MYO3B: variants seen among roughly 807,000 people sequenced by gnomAD.
MYO3B encodes the protein myosin-IIIb.
MYO3B carries 156 observed loss-of-function variants against 174.6 expected under a neutral mutation model. That is an observed-to-expected ratio of 0.89 (90% confidence interval 0.78 to 1.02). The LOEUF (loss-of-function observed/expected upper bound fraction) is 1.02. Among genes scored for constraint, MYO3B ranks in the 50% least tolerant of loss-of-function variants. MYO3B has a pLI of 0.00. For missense variants in MYO3B, 1,632 were observed against 1,639.4 expected (o/e 1.00, Z 0.08); for synonymous variants, 563 against 569.1 (o/e 0.99, Z 0.15).
intron 32 of MYO3B, among the ~76,000 whole-genome samples, chr2:170,610,594 C>T (rs1159676975): frequency 1.3e-5 from 2 of 152,184 alleles, no homozygotes; most frequent in African/African-American, 4.8e-5. Context: ...GTAGCTTTCT[C>T]AAATGAATTT....
At chr2:170,533,895 C>T (rs1689519366) in intron 30 of MYO3B, among the ~76,000 whole-genome samples, 1 of 152,064 alleles carries the variant, frequency 6.6e-6, no homozygotes, top group African/African-American at 2.4e-5. Context: ...TTATATTTTG[C>T]TGATGAAGAA....
At chr2:170,452,127 T>C (rs1374932843) in intron 23 of MYO3B, among the ~76,000 whole-genome samples, 1 of 151,974 alleles carries the variant, frequency 6.6e-6, no homozygotes, top group Non-Finnish European at 1.5e-5. Context: ...CCAATATCCC[T>C]TAAAGTTGCT....
At chr2:170,420,849 T>C (rs1210385176) in intron 22 of MYO3B, among the ~76,000 whole-genome samples, 1 of 151,882 alleles carries the variant, frequency 6.6e-6, no homozygotes, top group Non-Finnish European at 1.5e-5. Flanking sequence ...TTACTTCTGC[T>C]CCCCACCGAC....
At chr2:170,197,454 T>G (rs1325197515) in intron 1 of MYO3B, among the ~76,000 whole-genome samples, 1 of 152,252 alleles carries the variant, frequency 6.6e-6, no homozygotes, top group African/African-American at 2.4e-5. Flanking sequence ...AGTGAACTGC[T>G]TGAGCAGTGA....
At chr2:170,579,621 T>C (rs1171872003) in intron 32 of MYO3B, among the ~76,000 whole-genome samples, 3 of 152,244 alleles carry the variant, frequency 2.0e-5, no homozygotes, top group African/African-American at 7.2e-5. Flanking sequence ...CAGTCACTCC[T>C]ACCACTTCCT....
chr2:170,271,872 T>C (rs193057348), intron 7 of MYO3B, among the ~76,000 whole-genome samples: 1 of 152,298 alleles, frequency 6.6e-6, no homozygotes, highest in East Asian at 1.9e-4. Context: ...TTACTCTGAA[T>C]GTAGTCTCAG....
intron 22 of MYO3B, among the ~76,000 whole-genome samples, chr2:170,420,819 G>A (rs185976373): frequency 2.6e-5 from 4 of 152,100 alleles, no homozygotes; most frequent in Non-Finnish European, 5.9e-5. Context: ...ACAGCCCCAT[G>A]CTAATTCTGC....
At chr2:170,529,124 C>CCT (rs1440198802) in intron 30 of MYO3B, among the ~76,000 whole-genome samples, 1 of 152,058 alleles carries the variant, frequency 6.6e-6, no homozygotes, top group Non-Finnish European at 1.5e-5. Flanking sequence ...CATGATAATG[C>CCT]CTCTACTTTT....
At chr2:170,255,693 C>A (rs896112556) in intron 7 of MYO3B, among the ~76,000 whole-genome samples, 6 of 152,116 alleles carry the variant, frequency 3.9e-5, no homozygotes, top group Non-Finnish European at 7.4e-5. Context: ...ACACCAGGCC[C>A]CCTGAGATGA....
At chr2:170,323,585 G>A (rs2093844401) in intron 7 of MYO3B, among the ~76,000 whole-genome samples, 1 of 152,132 alleles carries the variant, frequency 6.6e-6, no homozygotes, top group Non-Finnish European at 1.5e-5. Context: ...CTTTGGAATT[G>A]GGCTGCCTGC....
chr2:170,539,188 C>T (rs973537754), intron 30 of MYO3B, among the ~76,000 whole-genome samples: 1 of 152,118 alleles, frequency 6.6e-6, no homozygotes, highest in African/African-American at 2.4e-5. Flanking sequence ...TTCAGAGGAT[C>T]GAGCCATAAA....
chr2:170,214,713 G>A lies in MYO3B; in HGVS notation c.427-16G>A. The A allele has an allele frequency of 6.2e-7, 1 of 1,607,290 alleles. No homozygotes were observed. The highest frequency in any genetic ancestry group is 8.5e-7 in the Non-Finnish European group (1 of 1,173,752). The stretch of plus-strand genomic sequence containing the variant: ...TTCTCTTTCCTGTTGTTTGGTGGTG[G>A]TGGGATGCCATGCAGGGCCTTCAGC... On this transcript the variant is annotated splice_polypyrimidine_tract_variant and intron_variant, in intron 4 of 34. Transcript: ENST00000408978.
chr2:170,404,151 T>C, intron 19 of MYO3B, 96 bp from the exon 20 acceptor site: 2 of 1,239,702 alleles, frequency 1.6e-6, no homozygotes, highest in Non-Finnish European at 1.1e-6. Flanking sequence ...CCACATGCAT[T>C]CAATGTTGCT....
At chr2:170,622,230 T>A (rs956630242) in intron 32 of MYO3B, among the ~76,000 whole-genome samples, 1 of 152,200 alleles carries the variant, frequency 6.6e-6, no homozygotes, top group African/African-American at 2.4e-5. Flanking sequence ...GGCTAATTGT[T>A]AAGGTTCCTA....
intron 32 of MYO3B, among the ~76,000 whole-genome samples, chr2:170,637,207 T>C (rs1697580789): frequency 6.8e-6 from 1 of 146,296 alleles, no homozygotes; most frequent in African/African-American, 2.6e-5. Context: ...AGTATCACTC[T>C]GCCGTCCAGG....
intron 20 of MYO3B, among the ~76,000 whole-genome samples, chr2:170,404,907 T>G (rs138557803): frequency 2.6e-5 from 4 of 152,348 alleles, no homozygotes; most frequent in Non-Finnish European, 4.4e-5. Flanking sequence ...ATAGGGCACC[T>G]CGTCCTGACA....
chr2:170,429,409 G>C (rs989957297), intron 22 of MYO3B, among the ~76,000 whole-genome samples: 2 of 152,184 alleles, frequency 1.3e-5, no homozygotes, highest in Non-Finnish European at 2.9e-5. Context: ...CTGAAGAGCA[G>C]AACAAGCTTT....
intron 22 of MYO3B, among the ~76,000 whole-genome samples, chr2:170,443,400 T>A (rs2094816838): frequency 1.3e-5 from 2 of 152,216 alleles, no homozygotes; most frequent in Non-Finnish European, 1.5e-5. Context: ...AGCCCTTTGT[T>A]AGATGGGTAG....
chr2:170,346,737 T>A (rs2094019355), intron 8 of MYO3B, among the ~76,000 whole-genome samples: 1 of 152,236 alleles, frequency 6.6e-6, no homozygotes, highest in African/African-American at 2.4e-5. Context: ...TACTGTACAT[T>A]AAGATTTCTT....
Sources: gnomAD v4.1 joint callset for allele counts (sites outside exome capture counted in the v4.1 genomes callset) on GRCh38, gnomAD v4.1.1 for gene constraint, MANE v1.5 for transcripts, NCBI Gene and HGNC (gene_info 2026-07-23, HGNC 2026-07-21) for gene names.